NAALADL2: variants seen among roughly 807,000 people sequenced by gnomAD.
NAALADL2 encodes N-acetylated alpha-linked acidic dipeptidase like 2.
NAALADL2 carries 76 observed loss-of-function variants against 87.2 expected under a neutral mutation model. That is an observed-to-expected ratio of 0.87 (90% CI 0.72 to 1.05). The LOEUF (loss-of-function observed/expected upper bound fraction) is 1.05. Ranked by LOEUF, NAALADL2 falls within the 50% of genes least tolerant of loss-of-function variation. NAALADL2 has a pLI of 0.00. For synonymous variants in NAALADL2, 354 were observed against 331.0 expected (o/e 1.07, Z -0.75); for missense variants, 1,089 against 945.8 (o/e 1.15, Z -1.99).
At chr3:174,642,749 C>CATATATATATATATATATATATAT (rs71624288) in intron 2 of NAALADL2, among the ~76,000 whole-genome samples, 1 of 130,292 alleles carries the variant, frequency 7.7e-6, no homozygotes, top group African/African-American at 2.9e-5. Context: ...TGAAAAAAAA[C>CATATATATATATATATATATATAT]ATATATATAT....
intron 11 of NAALADL2, among the ~76,000 whole-genome samples, chr3:175,717,208 G>A (rs556654782): frequency 2.6e-5 from 4 of 152,216 alleles, no homozygotes; most frequent in African/African-American, 4.8e-5. Context: ...AAAGCACTTC[G>A]ATTACAGGTG....
At chr3:174,924,309 G>T (rs1735664449) in intron 1 of NAALADL2, among the ~76,000 whole-genome samples, 1 of 149,746 alleles carries the variant, frequency 6.7e-6, no homozygotes, top group African/African-American at 2.5e-5. Flanking sequence ...AGAACATGTG[G>T]TGTTTGGTTT....
intron 11 of NAALADL2, chr3:175,676,796 C>T (rs938679887): frequency 1.3e-5 from 2 of 152,050 alleles, no homozygotes; most frequent in East Asian, 1.9e-4. Context: ...GGCCAAAATC[C>T]GTTATTCAGG....
intron 2 of NAALADL2, among the ~76,000 whole-genome samples, chr3:174,704,398 T>C (rs1729863806): frequency 6.6e-6 from 1 of 152,134 alleles, no homozygotes; most frequent in African/African-American, 2.4e-5. Context: ...GAAAGAAAGC[T>C]TATTATAAGC....
chr3:174,587,933 G>A (rs1344866389), intron 2 of NAALADL2, among the ~76,000 whole-genome samples: 2 of 152,172 alleles, frequency 1.3e-5, no homozygotes, highest in African/African-American at 4.8e-5. Flanking sequence ...GCCTTCCTAG[G>A]TTGGGGAAGT....
intron 13 of NAALADL2, among the ~76,000 whole-genome samples, chr3:175,796,312 G>A (rs1376343138): frequency 1.3e-5 from 2 of 152,084 alleles, no homozygotes; most frequent in African/African-American, 4.8e-5. Flanking sequence ...GGAATGAGCT[G>A]CAAAGTCTTA....
chr3:175,393,280 CAAAAAAAAAAAAAAAAA>C (rs775778803), intron 5 of NAALADL2, among the ~76,000 whole-genome samples: 19 of 29,518 alleles, frequency 6.4e-4, no homozygotes, highest in South Asian at 2.2e-3. Flanking sequence ...GACTCCGTCT[CAAAAAAAAAAAAAAAAA>C]AAAAAAAAAA....
intron 1 of NAALADL2, among the ~76,000 whole-genome samples, chr3:175,016,277 A>AT (rs60595167): frequency 0.15 from 21,477 of 147,644 alleles, 2,224 homozygotes; most frequent in African/African-American, 0.3. Flanking sequence ...ATATATATAT[A>AT]AAAAACAATA....
rs146921128 is a variant in NAALADL2, at chr3:174,664,081, G to A, written c.-114-73560G>A. Among the ~76,000 whole-genome samples the A allele has an allele frequency of 2.9e-3, 436 of 152,206 alleles. 2 individuals are homozygous for A. Among genetic ancestry groups the A allele is most frequent in the African/African-American group, 1.0e-2 (414 of 41,546 alleles). On this transcript the variant is annotated intron_variant, in intron 2 of 3. Coordinates refer to the NAALADL2 transcript ENST00000434257. Reference sequence around the variant, plus strand: ...GGGGATTACAGGCGTGAGCCACCACGCCTGGCTATTCAACTGTATTTCTTG... The same window carrying A: ...GGGGATTACAGGCGTGAGCCACCACACCTGGCTATTCAACTGTATTTCTTG...
chr3:175,280,473 CTG>C (rs1164537109), intron 4 of NAALADL2, among the ~76,000 whole-genome samples: 3 of 152,024 alleles, frequency 2.0e-5, no homozygotes, highest in Non-Finnish European at 4.4e-5. Context: ...TCGTAGTAAA[CTG>C]TGTTGGGAAG....
intron 1 of NAALADL2, among the ~76,000 whole-genome samples, chr3:175,001,734 T>TG (rs1748261508): frequency 6.6e-6 from 1 of 152,154 alleles, no homozygotes; most frequent in African/African-American, 2.4e-5. Flanking sequence ...AAAAATCAGA[T>TG]GCTCAGCAAT....
At chr3:174,957,601 ATT>A (rs879377095) in intron 1 of NAALADL2, among the ~76,000 whole-genome samples, 1 of 146,472 alleles carries the variant, frequency 6.8e-6, no homozygotes, top group Admixed American at 6.9e-5. Context: ...TGGTAGGAGA[ATT>A]TTTTTTTTTT....
chr3:175,342,114 A>G (rs1267000633), intron 5 of NAALADL2, among the ~76,000 whole-genome samples: 1 of 152,112 alleles, frequency 6.6e-6, no homozygotes, highest in Non-Finnish European at 1.5e-5. Context: ...GAGTTCTACA[A>G]CTTTGTTCTT....
intron 2 of NAALADL2, among the ~76,000 whole-genome samples, chr3:174,648,920 C>T (rs766658221): frequency 7.9e-5 from 12 of 151,930 alleles, no homozygotes; most frequent in Non-Finnish European, 1.3e-4. Context: ...TGATGAGTTG[C>T]ACTGCATCTA....
intron 2 of NAALADL2, among the ~76,000 whole-genome samples, chr3:175,232,174 G>A (rs1367023357): frequency 6.6e-6 from 1 of 150,668 alleles, no homozygotes; most frequent in African/African-American, 2.4e-5. Flanking sequence ...AGGAGGAGGA[G>A]AAGGAGCAAG....
chr3:175,291,003 T>C (rs1755576385), intron 4 of NAALADL2, among the ~76,000 whole-genome samples: 2 of 152,184 alleles, frequency 1.3e-5, no homozygotes, highest in African/African-American at 4.8e-5. Flanking sequence ...GTGATTTATT[T>C]TATGTATACA....
chr3:175,360,494 T>A (rs577951739), intron 5 of NAALADL2, among the ~76,000 whole-genome samples: 75 of 152,056 alleles, frequency 4.9e-4, no homozygotes, highest in Non-Finnish European at 9.1e-4. Context: ...TTCCCCTTCA[T>A]GTTGGTGTCT....
intron 10 of NAALADL2, among the ~76,000 whole-genome samples, chr3:175,618,184 G>A (rs1045979863): frequency 6.8e-4 from 103 of 152,100 alleles, no homozygotes; most frequent in African/African-American, 2.4e-3. Context: ...TACCTGTCAC[G>A]GTTGTCTGAA....
intron 2 of NAALADL2, among the ~76,000 whole-genome samples, chr3:175,106,101 A>G (rs975587106): frequency 6.6e-6 from 1 of 152,010 alleles, no homozygotes; most frequent in East Asian, 1.9e-4. Context: ...CTGTGCATTC[A>G]CACATGCACA....
Sources: allele counts gnomAD v4.1 joint callset (sites outside exome capture counted in the v4.1 genomes callset), GRCh38; gene constraint gnomAD v4.1.1; transcripts MANE v1.5; gene names NCBI Gene and HGNC (gene_info 2026-07-23, HGNC 2026-07-21).